GRK3: variants seen among roughly 807,000 people sequenced by gnomAD.
The protein encoded by GRK3 is adrenergic, beta, receptor kinase 2.
Under a neutral mutation model 95.7 loss-of-function variants are expected in GRK3, and 54 were observed. That is an observed-to-expected ratio of 0.56 (90% confidence interval 0.45 to 0.71). The LOEUF (loss-of-function observed/expected upper bound fraction) is 0.71. GRK3 is among the 30% of genes least tolerant of loss of function. GRK3 has a pLI of 0.00. For synonymous variants in GRK3, 281 were observed against 290.8 expected (o/e 0.97, Z 0.34); for missense variants, 649 against 851.2 (o/e 0.76, Z 2.96).
intron 2 of GRK3, among the ~76,000 whole-genome samples, chr22:25,623,748 G>A (rs895009793): frequency 1.3e-5 from 2 of 152,088 alleles, no homozygotes; most frequent in Non-Finnish European, 2.9e-5. Context: ...AAGCTCTGAA[G>A]CCTCGCTGAT....
intron 1 of GRK3, among the ~76,000 whole-genome samples, chr22:25,591,170 C>T (rs762422138): frequency 2.6e-5 from 4 of 152,164 alleles, no homozygotes; most frequent in Non-Finnish European, 5.9e-5. Flanking sequence ...TGCTGTGTCA[C>T]TAGAACAACT....
At chr22:25,694,680 G>T (rs2146443489) in intron 12 of GRK3, among the ~76,000 whole-genome samples, 1 of 152,294 alleles carries the variant, frequency 6.6e-6, no homozygotes, top group South Asian at 2.1e-4. Flanking sequence ...GCACCACACA[G>T]GGGTGGACGT....
intron 3 of GRK3, chr22:25,648,366 T>C: frequency 1.5e-6 from 2 of 1,309,768 alleles, no homozygotes; most frequent in South Asian, 1.2e-5. Context: ...AACAACTGTG[T>C]GTCCAACTGT....
At position 25,722,888 on chromosome 22, in the gene GRK3, G is replaced by C. The variant is rs2085444785; in HGVS notation, c.*438G>C. The C allele has an allele frequency of 6.5e-6, 1 of 153,522 alleles. No individual in the cohort carries two copies. Among genetic ancestry groups the C allele is most frequent in the African/African-American group, 2.4e-5 (1 of 41,500 alleles). The allele number at this position is 153,522 out of a possible 1,614,324, so 9.5% of individuals were successfully genotyped here. A position where few individuals can be genotyped will look rare whatever the true frequency, so the allele number is the denominator to read the frequency against. ...ACTGCTGGGGGATGGGAGAGCCACA[G>C]TGTGTTTCTTTTGTGCACTTCGCAA... On this transcript the variant is annotated 3_prime_UTR_variant, in exon 21 of 21. Transcript: ENST00000324198.
At chr22:25,588,215 T>C (rs1310891720) in intron 1 of GRK3, among the ~76,000 whole-genome samples, 2 of 152,186 alleles carry the variant, frequency 1.3e-5, no homozygotes, top group Non-Finnish European at 2.9e-5. Context: ...TTGGGGATGA[T>C]TTTTGTATCT....
chr22:25,653,458 G>A (rs1435327385), intron 3 of GRK3, among the ~76,000 whole-genome samples: 1 of 152,120 alleles, frequency 6.6e-6, no homozygotes, highest in Admixed American at 6.5e-5. Flanking sequence ...CCAACAAAAA[G>A]ATATCACAAA....
chr22:25,719,039 A>G (rs762430496), intron 19 of GRK3, among the ~76,000 whole-genome samples: 9 of 152,206 alleles, frequency 5.9e-5, no homozygotes, highest in Non-Finnish European at 1.3e-4. Flanking sequence ...ACCATTTTAT[A>G]TCAGCAACTT....
chr22:25,607,504 G>T (rs191707719), intron 2 of GRK3, among the ~76,000 whole-genome samples: 213 of 152,126 alleles, frequency 1.4e-3, no homozygotes, highest in African/African-American at 4.8e-3. Flanking sequence ...AAGAAATTGG[G>T]TCCTGTGTGT....
At chr22:25,717,016 C>G (rs550392549) in intron 18 of GRK3, among the ~76,000 whole-genome samples, 1 of 152,290 alleles carries the variant, frequency 6.6e-6, no homozygotes, top group East Asian at 1.9e-4. Flanking sequence ...TTCCCCCATC[C>G]CCGTCTGTGG....
At chr22:25,609,845 C>CTTT (rs980049696) in intron 2 of GRK3, among the ~76,000 whole-genome samples, 4 of 127,842 alleles carry the variant, frequency 3.1e-5, no homozygotes, top group Non-Finnish European at 5.0e-5. Flanking sequence ...GCAATTTTTA[C>CTTT]TTTTTTTTTT....
intron 13 of GRK3, among the ~76,000 whole-genome samples, chr22:25,698,071 G>A (rs1033502486): frequency 1.4e-4 from 21 of 151,274 alleles, no homozygotes; most frequent in Admixed American, 9.9e-4. Context: ...AAGGAAAAAA[G>A]GAGAGGGAGG....
chr22:25,650,775 G>C (rs8141505), intron 3 of GRK3, among the ~76,000 whole-genome samples: 1 of 152,066 alleles, frequency 6.6e-6, no homozygotes, highest in Non-Finnish European at 1.5e-5. Context: ...CACTAAATGG[G>C]CATTATTTGT....
intron 18 of GRK3, among the ~76,000 whole-genome samples, chr22:25,717,492 GTTT>G (rs2085396014): frequency 6.6e-6 from 1 of 152,146 alleles, no homozygotes; most frequent in Non-Finnish European, 1.5e-5. Flanking sequence ...TGAAGCAGGG[GTTT>G]TTGTCTCTTG....
chr22:25,679,301 C>T (rs909196514), intron 9 of GRK3, among the ~76,000 whole-genome samples: 5 of 152,126 alleles, frequency 3.3e-5, no homozygotes, highest in African/African-American at 7.2e-5. Context: ...AGAAGCGAAT[C>T]GAGAGAAGCG....
Position 25,725,671 on chromosome 22 carries a change from G to T in GRK3, c.*3221G>T, listed in dbSNP as rs1452890950. On this transcript the variant is annotated 3_prime_UTR_variant, in exon 21 of 21. Transcript: ENST00000324198. ...TGTTTAAAAAGAAGGGGCTGGCCGGGCACGATGGCTCACGCCTATAATCCC... is the reference window on the plus strand; with the variant it reads ...TGTTTAAAAAGAAGGGGCTGGCCGGTCACGATGGCTCACGCCTATAATCCC... 2.5e-6 allele frequency: 1 copy of T among 398,514 alleles called. No homozygotes were observed. Among genetic ancestry groups the T allele is most frequent in the African/African-American group, 2.1e-5 (1 of 48,628 alleles). The allele number at this position is 398,514 out of a possible 1,614,324, so 24.7% of individuals were successfully genotyped here.
At chr22:25,716,525 C>T (rs1003479987) in intron 18 of GRK3, among the ~76,000 whole-genome samples, 4 of 151,996 alleles carry the variant, frequency 2.6e-5, no homozygotes, top group Non-Finnish European at 1.5e-5. Context: ...ATTTATCTTC[C>T]TGTGTTAGTA....
intron 3 of GRK3, among the ~76,000 whole-genome samples, chr22:25,659,204 A>G (rs1448097562): frequency 1.3e-5 from 2 of 152,146 alleles, no homozygotes; most frequent in East Asian, 3.9e-4. Flanking sequence ...CCTGGAGAGG[A>G]TAGGTCACAG....
At chr22:25,687,967 T>G (rs141920297) in intron 11 of GRK3, among the ~76,000 whole-genome samples, 8 of 152,192 alleles carry the variant, frequency 5.3e-5, no homozygotes, top group Admixed American at 6.5e-5. Flanking sequence ...CCAGGTGCGG[T>G]GGCTCATGCC....
Position 25,726,089 on chromosome 22 carries a change from C to A in GRK3, c.*3639C>A. On this transcript the variant is annotated 3_prime_UTR_variant, in exon 21 of 21. Coordinates refer to ENST00000324198, the MANE Select transcript of GRK3 (RefSeq NM_005160.4). ...GCTTGATTTCTGGTCTGACATATGC[C>A]ATATACAGATATTAGAAACGACTGT... The A allele has an allele frequency of 6.6e-6, 1 of 152,048 alleles. No homozygotes were observed. 9.4% of individuals were successfully genotyped at this position (152,048 alleles called of 1,614,324 possible).
Sources: gnomAD v4.1 joint callset for allele counts (sites outside exome capture counted in the v4.1 genomes callset) on GRCh38, gnomAD v4.1.1 for gene constraint, MANE v1.5 for transcripts, NCBI Gene and HGNC (gene_info 2026-07-23, HGNC 2026-07-21) for gene names.